The following TENM2 variants were observed in gnomAD, a reference collection of about 807,000 sequenced individuals.
The protein encoded by TENM2 is teneurin transmembrane protein 2, also known as teneurin-2.
A neutral mutation model predicts 245.2 loss-of-function variants in TENM2; 52 were observed. The ratio of observed to expected loss-of-function variants is 0.21; its 90% CI spans 0.17 to 0.27. The LOEUF is 0.27. Ranked by LOEUF, TENM2 falls within the 10% of genes least tolerant of loss-of-function variation. The pLI is 1.00. For missense variants in TENM2, 3,046 were observed against 3,666.8 expected, an observed-to-expected ratio of 0.83 and a Z score of 4.37; for synonymous variants, 1,363 against 1,438.9, an observed-to-expected ratio of 0.95 and a Z score of 1.19.
chr5:167,968,374 C>G (rs1251383495), intron 4 of TENM2, among the ~76,000 whole-genome samples: 1 of 152,032 alleles, frequency 6.6e-6, no homozygotes, highest in Admixed American at 6.6e-5. Flanking sequence ...GAGGAAATAC[C>G]TCCAATTGCT....
chr5:167,946,428 T>C (rs761486492), intron 3 of TENM2, among the ~76,000 whole-genome samples: 1 of 152,132 alleles, frequency 6.6e-6, no homozygotes, highest in Non-Finnish European at 1.5e-5. Context: ...TAGAAAGAGA[T>C]TGCACTGCAG....
chr5:167,258,126 A>G, the TENM2 span, among the ~76,000 whole-genome samples: 1 of 151,346 alleles, frequency 6.6e-6, no homozygotes, highest in South Asian at 2.1e-4. Flanking sequence ...GACTCAAAAG[A>G]AATAGTCTTT....
the TENM2 span, among the ~76,000 whole-genome samples, chr5:167,196,566 G>A: frequency 7.7e-5 from 11 of 143,464 alleles, no homozygotes; most frequent in African/African-American, 2.4e-4. Flanking sequence ...ATATGTGTGT[G>A]TATATATATA....
chr5:167,314,678 A>G (rs1756248902), intron 1 of TENM2, among the ~76,000 whole-genome samples: 1 of 152,118 alleles, frequency 6.6e-6, no homozygotes, highest in African/African-American at 2.4e-5. Flanking sequence ...TTGATGAACA[A>G]TTTGTTTGCC....
chr5:167,002,279 T>C, the TENM2 span, among the ~76,000 whole-genome samples: 1 of 152,124 alleles, frequency 6.6e-6, no homozygotes, highest in African/African-American at 2.4e-5. Context: ...GAAACTAATC[T>C]TATATTAAAT....
At chr5:168,216,707 C>T (rs1276582875) in intron 21 of TENM2, 61 bp from the exon 24 acceptor site, 7 of 1,574,234 alleles carry the variant, frequency 4.4e-6, no homozygotes, top group East Asian at 2.2e-5. Context: ...TCATCTCCCA[C>T]CTCCACCCCG....
At chr5:167,495,632 G>A (rs531200875) in intron 2 of TENM2, among the ~76,000 whole-genome samples, 93 of 152,018 alleles carry the variant, frequency 6.1e-4, no homozygotes, top group Non-Finnish European at 1.2e-3. Context: ...TGATTTCTGT[G>A]ATTTCTGAGA....
intron 7 of TENM2, among the ~76,000 whole-genome samples, chr5:168,077,888 A>G (rs1791623789): frequency 6.6e-6 from 1 of 152,190 alleles, no homozygotes; most frequent in African/African-American, 2.4e-5. Flanking sequence ...CAGTAGTCAT[A>G]CATGTGCATG....
At chr5:167,762,889 C>T (rs1188956448) in intron 2 of TENM2, among the ~76,000 whole-genome samples, 2 of 152,220 alleles carry the variant, frequency 1.3e-5, no homozygotes, top group African/African-American at 2.4e-5. Flanking sequence ...GTCTTTGGGG[C>T]TACAGAACAT....
intron 2 of TENM2, among the ~76,000 whole-genome samples, chr5:167,597,062 TATG>T (rs1161993401): frequency 6.6e-6 from 1 of 152,044 alleles, no homozygotes; most frequent in Non-Finnish European, 1.5e-5. Flanking sequence ...CACATGGAGT[TATG>T]ATGATTTCTC....
intron 3 of TENM2, chr5:167,938,137 G>A (rs964762861): frequency 2.6e-5 from 4 of 152,192 alleles, no homozygotes; most frequent in Non-Finnish European, 4.4e-5. Context: ...ACATTCAGTT[G>A]AAAACACAAA....
intron 2 of TENM2, among the ~76,000 whole-genome samples, chr5:167,782,812 A>G (rs1165600313): frequency 6.6e-6 from 1 of 152,180 alleles, no homozygotes; most frequent in Non-Finnish European, 1.5e-5. Flanking sequence ...AAAGAAATGA[A>G]CATTATGGGA....
chr5:167,556,842 G>A (rs1649731781), intron 2 of TENM2, among the ~76,000 whole-genome samples: 1 of 152,172 alleles, frequency 6.6e-6, no homozygotes, highest in Admixed American at 6.5e-5. Flanking sequence ...GGTCTCACTT[G>A]TATTTTAGGT....
the TENM2 span, among the ~76,000 whole-genome samples, chr5:167,087,557 T>C: frequency 9.2e-5 from 14 of 152,324 alleles, no homozygotes; most frequent in African/African-American, 2.6e-4. Context: ...ACTTGTTCAG[T>C]GCTATATTTC....
At chr5:167,835,550 A>G (rs947656521) in intron 2 of TENM2, among the ~76,000 whole-genome samples, 1 of 152,178 alleles carries the variant, frequency 6.6e-6, no homozygotes, top group African/African-American at 2.4e-5. Flanking sequence ...TTCTTCCTGG[A>G]GAACCAGAAA....
At chr5:167,143,724 G>C in the TENM2 span, among the ~76,000 whole-genome samples, 1 of 152,162 alleles carries the variant, frequency 6.6e-6, no homozygotes, top group East Asian at 1.9e-4. Flanking sequence ...TCATGCAAGA[G>C]TAACTTGTGC....
intron 2 of TENM2, among the ~76,000 whole-genome samples, chr5:167,819,820 G>A (rs1767367033): frequency 6.6e-6 from 1 of 152,178 alleles, no homozygotes; most frequent in African/African-American, 2.4e-5. Context: ...TAAATCTGTG[G>A]TCTTCCTGTC....
intron 4 of TENM2, among the ~76,000 whole-genome samples, chr5:167,972,732 A>G (rs1301416954): frequency 6.6e-6 from 1 of 152,198 alleles, no homozygotes; most frequent in Non-Finnish European, 1.5e-5. Flanking sequence ...TGGCTTTAAA[A>G]TAAGAGCCCA....
intron 3 of TENM2, among the ~76,000 whole-genome samples, chr5:167,918,461 G>A (rs534245491): frequency 7.9e-5 from 12 of 152,302 alleles, no homozygotes; most frequent in Non-Finnish European, 1.3e-4. Context: ...CTTACCTGCC[G>A]AATTAGCAAG....
Sources: allele counts gnomAD v4.1 joint callset (sites outside exome capture counted in the v4.1 genomes callset), GRCh38; gene constraint gnomAD v4.1.1; transcripts MANE v1.5; gene names NCBI Gene and HGNC (gene_info 2026-07-23, HGNC 2026-07-21).